The following NALF1 variants were observed in gnomAD, a reference collection of about 807,000 sequenced individuals.
NALF1 encodes the protein family with sequence similarity 155 member A.
In NALF1, 3 loss-of-function variants were observed where a neutral mutation model predicts 48.4. The ratio of observed to expected loss-of-function variants is 0.06; its 90% CI spans 0.03 to 0.16. NALF1 has a LOEUF of 0.16. Ranked by LOEUF, NALF1 falls within the 10% of genes least tolerant of loss-of-function variation. NALF1 has a pLI of 1.00. For synonymous variants in NALF1, 262 were observed against 245.7 expected, an observed-to-expected ratio of 1.07 and a Z score of -0.62; for missense variants, 526 against 571.5, an observed-to-expected ratio of 0.92 and a Z score of 0.81.
At chr13:107,767,279 C>T (rs4143296) in intron 1 of NALF1, among the ~76,000 whole-genome samples, 3 of 152,256 alleles carry the variant, frequency 2.0e-5, no homozygotes, top group Middle Eastern at 3.4e-3. Context: ...GCATAATTGG[C>T]TTGTCACTTC....
chr13:107,756,485 A>G, intron 1 of NALF1, among the ~76,000 whole-genome samples: 1 of 150,428 alleles, frequency 6.6e-6, no homozygotes, highest in South Asian at 2.1e-4. Flanking sequence ...CATGTAAAAC[A>G]TAAATACATA....
chr13:107,642,553 A>G (rs1880188055), intron 1 of NALF1, among the ~76,000 whole-genome samples: 1 of 152,226 alleles, frequency 6.6e-6, no homozygotes, highest in South Asian at 2.1e-4. Flanking sequence ...ATATTTAGCT[A>G]TGTCAACATA....
intron 1 of NALF1, among the ~76,000 whole-genome samples, chr13:107,811,758 C>A (rs1466066547): frequency 6.6e-6 from 1 of 152,136 alleles, no homozygotes; most frequent in Non-Finnish European, 1.5e-5. Context: ...GGGAGGGCCT[C>A]ATCTCATGGT....
chr13:107,334,771 G>T (rs1397908531), intron 1 of NALF1, among the ~76,000 whole-genome samples: 1 of 152,084 alleles, frequency 6.6e-6, no homozygotes, highest in Non-Finnish European at 1.5e-5. Flanking sequence ...GTTACTTTTT[G>T]GGGGAAATGT....
At chr13:107,216,752 T>C (rs1879880708) in intron 1 of NALF1, among the ~76,000 whole-genome samples, 1 of 152,080 alleles carries the variant, frequency 6.6e-6, no homozygotes, top group Admixed American at 6.6e-5. Context: ...GCAGTGCCCA[T>C]CCACGCCAGC....
At chr13:107,399,037 G>A (rs1883760024) in intron 1 of NALF1, among the ~76,000 whole-genome samples, 1 of 152,142 alleles carries the variant, frequency 6.6e-6, no homozygotes, top group African/African-American at 2.4e-5. Context: ...TCATAGGTTA[G>A]AGCAAGCACA....
intron 1 of NALF1, among the ~76,000 whole-genome samples, chr13:107,216,915 C>G (rs966320038): frequency 2.0e-5 from 3 of 152,132 alleles, no homozygotes; most frequent in Non-Finnish European, 4.4e-5. Flanking sequence ...GCTGTGCTTT[C>G]GCAAATAGAG....
At chr13:107,262,883 C>T (rs1880961283) in intron 1 of NALF1, among the ~76,000 whole-genome samples, 1 of 151,470 alleles carries the variant, frequency 6.6e-6, no homozygotes, top group Non-Finnish European at 1.5e-5. Flanking sequence ...ACAATGTTTG[C>T]CATAATTGTA....
intron 1 of NALF1, among the ~76,000 whole-genome samples, chr13:107,585,687 A>G (rs1423224731): frequency 1.3e-5 from 2 of 152,164 alleles, no homozygotes; most frequent in Non-Finnish European, 2.9e-5. Flanking sequence ...CTCATAACCC[A>G]GCTGACAGCC....
chr13:107,411,232 T>G (rs1883983766), intron 1 of NALF1, among the ~76,000 whole-genome samples: 1 of 152,024 alleles, frequency 6.6e-6, no homozygotes, highest in South Asian at 2.1e-4. Context: ...GTGCTCAGAA[T>G]ACATTTCTTC....
At chr13:107,213,469 T>C (rs1879809891) in intron 1 of NALF1, among the ~76,000 whole-genome samples, 1 of 152,246 alleles carries the variant, frequency 6.6e-6, no homozygotes, top group African/African-American at 2.4e-5. Flanking sequence ...TATTCCTCAT[T>C]TGAGTATTAA....
chr13:107,683,604 C>T (rs1266407710), intron 1 of NALF1, among the ~76,000 whole-genome samples: 1 of 152,178 alleles, frequency 6.6e-6, no homozygotes, highest in African/African-American at 2.4e-5. Flanking sequence ...CTTTCACTCC[C>T]TACGCTTTGC....
intron 1 of NALF1, among the ~76,000 whole-genome samples, chr13:107,651,274 C>T (rs775763643): frequency 1.3e-5 from 2 of 152,096 alleles, no homozygotes; most frequent in Non-Finnish European, 2.9e-5. Context: ...TTTACTTGCA[C>T]GGAGCAATAG....
At chr13:107,211,822 T>C (rs1010757483) in intron 1 of NALF1, among the ~76,000 whole-genome samples, 3 of 152,232 alleles carry the variant, frequency 2.0e-5, no homozygotes, top group African/African-American at 4.8e-5. Context: ...TAATAGCTGG[T>C]ATTTATCAAC....
chr13:107,575,459 G>C (rs922467081), intron 1 of NALF1, among the ~76,000 whole-genome samples: 1 of 152,112 alleles, frequency 6.6e-6, no homozygotes, highest in East Asian at 1.9e-4. Flanking sequence ...TTTTAGCAGA[G>C]AGTCCCTGAC....
intron 1 of NALF1, among the ~76,000 whole-genome samples, chr13:107,768,403 A>G (rs1323778485): frequency 6.6e-6 from 1 of 152,236 alleles, no homozygotes; most frequent in East Asian, 1.9e-4. Flanking sequence ...TAAGGATTAG[A>G]AATAATATTT....
chr13:107,230,815 G>A (rs978710362), intron 1 of NALF1, among the ~76,000 whole-genome samples: 7 of 151,980 alleles, frequency 4.6e-5, no homozygotes, highest in East Asian at 1.9e-4. Context: ...ATCCCAGCAC[G>A]TTGGGAGGCC....
chr13:107,584,023 G>A (rs547207979), intron 1 of NALF1, among the ~76,000 whole-genome samples: 1 of 152,086 alleles, frequency 6.6e-6, no homozygotes, highest in Admixed American at 6.6e-5. Context: ...TTGCCATCCA[G>A]GACTTTAGGT....
intron 1 of NALF1, among the ~76,000 whole-genome samples, chr13:107,219,673 C>G (rs905778263): frequency 3.3e-5 from 5 of 152,250 alleles, no homozygotes; most frequent in African/African-American, 1.2e-4. Context: ...TTAGAAAATA[C>G]CAATAATACC....
Sources: gnomAD v4.1 joint callset for allele counts (sites outside exome capture counted in the v4.1 genomes callset) on GRCh38, gnomAD v4.1.1 for gene constraint, MANE v1.5 for transcripts, NCBI Gene and HGNC (gene_info 2026-07-23, HGNC 2026-07-21) for gene names.